YWHAE: variants seen among roughly 807,000 people sequenced by gnomAD.
YWHAE encodes the protein tyrosine 3-monooxygenase/tryptophan 5-monooxygenase activation protein epsilon, also known as 14-3-3 protein epsilon.
A neutral mutation model predicts 30.1 loss-of-function variants in YWHAE; 4 were observed. The observed-to-expected ratio is 0.13, with a 90% CI of 0.07 to 0.30. The LOEUF (loss-of-function observed/expected upper bound fraction) is 0.30. Among genes scored for constraint, YWHAE ranks in the 10% least tolerant of loss-of-function variants. YWHAE has a pLI of 1.00. For missense variants in YWHAE, 121 were observed against 315.9 expected, an observed-to-expected ratio of 0.38 and a Z score of 4.68; for synonymous variants, 118 against 111.8, an observed-to-expected ratio of 1.06 and a Z score of -0.35.
chr17:1,383,410 C>T (rs1188969411), intron 1 of YWHAE, among the ~76,000 whole-genome samples: 7 of 130,002 alleles, frequency 5.4e-5, no homozygotes, highest in South Asian at 2.5e-4. Flanking sequence ...TTTTTTGAGA[C>T]GGAGTCTTGG....
chr17:1,370,873 G>A (rs143698711), intron 1 of YWHAE, among the ~76,000 whole-genome samples: 2,165 of 152,052 alleles, frequency 0.014, 30 homozygotes, highest in East Asian at 0.051. Flanking sequence ...GGTGGCGGGC[G>A]CCTGTAGTCC....
chr17:1,355,080 G>C (rs1332467064), intron 4 of YWHAE, among the ~76,000 whole-genome samples: 4 of 105,934 alleles, frequency 3.8e-5, no homozygotes, highest in Admixed American at 2.6e-4. Context: ...TGAGTGGCTG[G>C]GACAAACGGT....
chr17:1,383,902 A>G (rs973338088), intron 1 of YWHAE, among the ~76,000 whole-genome samples: 2 of 151,998 alleles, frequency 1.3e-5, no homozygotes, highest in Non-Finnish European at 2.9e-5. Context: ...CTCTTCACAC[A>G]TTTAAAAAAT....
chr17:1,355,396 T>C (rs989538621), intron 4 of YWHAE, among the ~76,000 whole-genome samples: 1 of 151,584 alleles, frequency 6.6e-6, no homozygotes, highest in Non-Finnish European at 1.5e-5. Flanking sequence ...TCTGACCTCG[T>C]GATGTGCCCG....
rs759546073 is a variant in YWHAE at position 1,345,442 on chromosome 17, A to G, written c.*5T>C. 8 of 1,613,844 alleles carry G rather than the reference A, an allele frequency of 5.0e-6. No individual in the cohort carries two copies. The Admixed American group carries it at 1.3e-4, about 27-fold the overall frequency. On this transcript the variant is annotated 3_prime_UTR_variant, in exon 6 of 6. Coordinates refer to ENST00000264335, the MANE Select transcript of YWHAE (RefSeq NM_006761.5). ...CAGAGATGGTTTCTCTTGTTGGCTT[A>G]TGTCTCACTGATTTTCGTCTTCCAC...
intron 1 of YWHAE, among the ~76,000 whole-genome samples, chr17:1,377,160 T>C (rs1300908360): frequency 6.6e-6 from 1 of 152,082 alleles, no homozygotes; most frequent in Non-Finnish European, 1.5e-5. Flanking sequence ...GTGATCCACC[T>C]GCCTCGGCCT....
chr17:1,352,483 A>G (rs1282064087), intron 5 of YWHAE, among the ~76,000 whole-genome samples: 4 of 152,130 alleles, frequency 2.6e-5, no homozygotes, highest in Admixed American at 2.6e-4. Context: ...GATAGCCTCA[A>G]GCAACGCGAC....
rs566445189 is a variant in YWHAE at position 1,384,429 on chromosome 17, C to A, written c.64+15618G>T. Among the ~76,000 whole-genome samples the A allele has an allele frequency of 9.4e-4, 143 of 151,626 alleles. 1 individual carries two copies. The highest frequency in any genetic ancestry group is 1.7e-3 in the Non-Finnish European group (113 of 67,870). On this transcript the variant is annotated intron_variant, in intron 1 of 5. Coordinates refer to ENST00000264335, the MANE Select transcript of YWHAE (RefSeq NM_006761.5). ...ATGCTCGACCGGGCGCGGTGGCTCA[C>A]GCCTGTAATCCCAGCACTTTGGGAG... is the stretch of plus-strand genomic sequence containing the variant.
intron 1 of YWHAE, among the ~76,000 whole-genome samples, chr17:1,376,315 T>G (rs1166689759): frequency 4.0e-5 from 6 of 150,934 alleles, no homozygotes; most frequent in African/African-American, 1.5e-4. Flanking sequence ...TCTGCCACCA[T>G]GAGAGAAAGA....
intron 1 of YWHAE, among the ~76,000 whole-genome samples, chr17:1,376,394 G>GAA (rs201126966): frequency 1.4e-5 from 1 of 72,116 alleles, no homozygotes; most frequent in African/African-American, 4.4e-5. Flanking sequence ...GAAAAAGAAA[G>GAA]AGAGAGAAAG....
intron 1 of YWHAE, chr17:1,398,725 T>C (rs2073514371): frequency 6.6e-6 from 1 of 152,072 alleles, no homozygotes; most frequent in South Asian, 2.1e-4. Flanking sequence ...TTTCAAAAGG[T>C]GGTCCAAAAG....
Position 1,354,180 on chromosome 17 carries a change from G to C in YWHAE, c.715+31C>G, listed in dbSNP as rs1225970361. 3.7e-6 allele frequency: 6 copies of C among 1,604,304 alleles called. No individual in the cohort carries two copies. The South Asian group carries it at 4.5e-5, about 12-fold the overall frequency. ...GTACAAACAAATCCTGCAACTGAAAGAGGTGCCTGTTTCACTCCGTGCTTG... is the reference window on the plus strand; with the variant it reads ...GTACAAACAAATCCTGCAACTGAAACAGGTGCCTGTTTCACTCCGTGCTTG... On this transcript the variant is annotated intron_variant, in intron 5 of 5. Transcript: ENST00000264335.
At position 1,344,570 on chromosome 17, in the gene YWHAE, T is replaced by A. The variant is rs2072485784; in HGVS notation, c.*877A>T. ...ATTTTTAATTTAGGTTTGTTTTATTTAAGTTTAATGTTAATTCCATGCTGT... is the reference window on the plus strand; with the variant it reads ...ATTTTTAATTTAGGTTTGTTTTATTAAAGTTTAATGTTAATTCCATGCTGT... On this transcript the variant is annotated 3_prime_UTR_variant, in exon 6 of 6. Transcript: ENST00000264335. 4.6e-6 allele frequency: 1 copy of A among 219,710 alleles called. No individual in the cohort carries two copies. Among genetic ancestry groups the A allele is most frequent in the East Asian group, 6.6e-5 (1 of 15,048 alleles). 13.6% of individuals were successfully genotyped at this position (219,710 alleles called of 1,614,324 possible).
chr17:1,353,925 GC>G (rs1020188640), intron 5 of YWHAE, among the ~76,000 whole-genome samples: 12 of 152,166 alleles, frequency 7.9e-5, no homozygotes, highest in South Asian at 4.1e-4. Flanking sequence ...CTTAACTTCA[GC>G]CCCCTAAAAT....
At position 1,354,975 on chromosome 17, in the gene YWHAE, T is replaced by TG. The variant is rs1567957696; in HGVS notation, c.579-629_579-628insC. Among the ~76,000 whole-genome samples the TG allele has an allele frequency of 3.3e-3, 229 of 70,252 alleles. 1 individual carries two copies. The highest frequency in any genetic ancestry group is 0.018 in the African/African-American group (174 of 9,694). 46.1% of individuals were successfully genotyped at this position (70,252 alleles called of 152,430 possible). ...CCGCGCCCAGCCTAGTTTTTTTTTT[T>TG]TTTTTTTTTTTTTTTTTTTTTTAAG... On this transcript the variant is annotated intron_variant, in intron 4 of 5. Coordinates refer to ENST00000264335, the MANE Select transcript of YWHAE (RefSeq NM_006761.5).
chr17:1,388,093 T>G, intron 1 of YWHAE, among the ~76,000 whole-genome samples: 1 of 107,220 alleles, frequency 9.3e-6, no homozygotes, highest in African/African-American at 4.0e-5. Context: ...CACGCCTGGG[T>G]AATTTTTGTT....
At chr17:1,364,256 G>A (rs1216252551) in intron 2 of YWHAE, among the ~76,000 whole-genome samples, 3 of 148,230 alleles carry the variant, frequency 2.0e-5, no homozygotes, top group Non-Finnish European at 3.0e-5. Context: ...ATGGAGTCTC[G>A]CGCTCTGTCA....
intron 1 of YWHAE, among the ~76,000 whole-genome samples, chr17:1,377,737 C>A (rs2073146061): frequency 1.3e-5 from 2 of 152,190 alleles, no homozygotes; most frequent in South Asian, 4.1e-4. Flanking sequence ...CTGGATCAAA[C>A]TCAAATGTCT....
chr17:1,387,636 T>G (rs1490828728), intron 1 of YWHAE, among the ~76,000 whole-genome samples: 1 of 151,904 alleles, frequency 6.6e-6, no homozygotes, highest in African/African-American at 2.4e-5. Flanking sequence ...GTGGGGGCAG[T>G]AGGCGGGGAT....
Sources: gnomAD v4.1 joint callset for allele counts (sites outside exome capture counted in the v4.1 genomes callset) on GRCh38, gnomAD v4.1.1 for gene constraint, MANE v1.5 for transcripts, NCBI Gene and HGNC (gene_info 2026-07-23, HGNC 2026-07-21) for gene names.